PALM2AKAP2: variants seen among roughly 807,000 people sequenced by gnomAD.
PALM2AKAP2 encodes PALM2 and AKAP2 fusion.
A neutral mutation model predicts 71.5 loss-of-function variants in PALM2AKAP2; 37 were observed. That is an observed-to-expected ratio of 0.52 (90% CI 0.40 to 0.68). PALM2AKAP2 has a LOEUF of 0.68. PALM2AKAP2 is among the 30% of genes least tolerant of loss of function. PALM2AKAP2 has a pLI of 0.00. For synonymous variants in PALM2AKAP2, 468 were observed against 478.8 expected (o/e 0.98, Z 0.29); for missense variants, 1,224 against 1,191.8 (o/e 1.03, Z -0.40).
chr9:109,892,022 C>T (rs924312649), intron 3 of PALM2AKAP2, among the ~76,000 whole-genome samples: 1 of 152,186 alleles, frequency 6.6e-6, no homozygotes, highest in African/African-American at 2.4e-5. Flanking sequence ...CTTAAGATTA[C>T]ATCTCTCAGA....
At chr9:109,825,689 G>A (rs868261138) in intron 1 of PALM2AKAP2, among the ~76,000 whole-genome samples, 6 of 152,156 alleles carry the variant, frequency 3.9e-5, no homozygotes, top group Admixed American at 1.3e-4. Context: ...AGTTAGAATG[G>A]CAGTCATTAA....
intron 1 of PALM2AKAP2, among the ~76,000 whole-genome samples, chr9:109,823,811 G>A (rs1486822133): frequency 6.6e-6 from 1 of 152,198 alleles, no homozygotes; most frequent in East Asian, 1.9e-4. Flanking sequence ...ACATACAAAT[G>A]TGTATTTTTT....
chr9:110,040,850 A>G (rs1359499088), intron 7 of PALM2AKAP2, among the ~76,000 whole-genome samples: 1 of 152,208 alleles, frequency 6.6e-6, no homozygotes, highest in Non-Finnish European at 1.5e-5. Context: ...GTTTTCCAGC[A>G]TTCTATCTGT....
chr9:109,822,041 T>A (rs191614994), intron 1 of PALM2AKAP2, among the ~76,000 whole-genome samples: 20 of 152,348 alleles, frequency 1.3e-4, no homozygotes, highest in Admixed American at 1.2e-3. Context: ...AATACCAGAC[T>A]TATCATTGCA....
At chr9:109,713,906 T>C (rs1207323599) in intron 1 of PALM2AKAP2, among the ~76,000 whole-genome samples, 1 of 152,224 alleles carries the variant, frequency 6.6e-6, no homozygotes, top group Non-Finnish European at 1.5e-5. Flanking sequence ...AACTATAAGA[T>C]ATTAATATTA....
At chr9:109,747,594 A>G (rs1160352740) in intron 1 of PALM2AKAP2, among the ~76,000 whole-genome samples, 4 of 152,232 alleles carry the variant, frequency 2.6e-5, no homozygotes, top group Non-Finnish European at 4.4e-5. Flanking sequence ...ACTGATGCAT[A>G]TATGAGTTAG....
At chr9:109,782,744 T>G (rs200720194) in intron 1 of PALM2AKAP2, among the ~76,000 whole-genome samples, 19 of 144,306 alleles carry the variant, frequency 1.3e-4, no homozygotes, top group East Asian at 1.2e-3. Context: ...GTGTGTTTGT[T>G]TGTGTGTGTG....
At chr9:110,162,060 A>G (rs754008096) in intron 3 of PALM2AKAP2, 34 bp from the exon 10 acceptor site, 6 of 1,613,010 alleles carry the variant, frequency 3.7e-6, no homozygotes, top group African/African-American at 2.7e-5. Flanking sequence ...TGTCACTGCC[A>G]TGTACTAACC....
chr9:109,802,946 C>T (rs527520080), intron 1 of PALM2AKAP2, among the ~76,000 whole-genome samples: 11 of 146,528 alleles, frequency 7.5e-5, no homozygotes, highest in Admixed American at 5.4e-4. Context: ...GGTAGGAATC[C>T]GGGTCTTTTT....
intron 1 of PALM2AKAP2, among the ~76,000 whole-genome samples, chr9:109,799,465 A>T (rs1310515507): frequency 6.6e-6 from 1 of 152,110 alleles, no homozygotes; most frequent in Non-Finnish European, 1.5e-5. Context: ...GTGGCTTTCC[A>T]TTATTTCCAT....
chr9:110,011,014 A>AAAAAAAATATAT (rs35212981), intron 6 of PALM2AKAP2, among the ~76,000 whole-genome samples: 16 of 69,582 alleles, frequency 2.3e-4, no homozygotes, highest in African/African-American at 8.6e-4. Context: ...AAAAAAAAAA[A>AAAAAAAATATAT]ATATATATAT....
chr9:110,136,512 C>A, exon 2 of PALM2AKAP2: 4 of 1,613,912 alleles, frequency 2.5e-6, no homozygotes, highest in Non-Finnish European at 3.4e-6. Context: ...GGCCTAAGCC[C>A]CCCTGTCCAC....
chr9:110,115,360 A>G (rs2118967873), intron 1 of PALM2AKAP2, among the ~76,000 whole-genome samples: 1 of 152,242 alleles, frequency 6.6e-6, no homozygotes, highest in East Asian at 1.9e-4. Flanking sequence ...CCACAAGTGC[A>G]CCTCTGGTAC....
At chr9:109,957,402 T>C (rs1831767638) in intron 6 of PALM2AKAP2, among the ~76,000 whole-genome samples, 1 of 152,206 alleles carries the variant, frequency 6.6e-6, no homozygotes, top group Non-Finnish European at 1.5e-5. Flanking sequence ...GCAAGCTGAC[T>C]CCCGCACAGA....
intron 1 of PALM2AKAP2, among the ~76,000 whole-genome samples, chr9:109,826,252 T>C (rs1040675485): frequency 2.0e-5 from 3 of 152,036 alleles, no homozygotes; most frequent in Admixed American, 2.0e-4. Context: ...CATTAGGAGA[T>C]ATACCTAATG....
chr9:109,823,944 G>A (rs536756729), intron 1 of PALM2AKAP2, among the ~76,000 whole-genome samples: 56 of 151,982 alleles, frequency 3.7e-4, no homozygotes, highest in Non-Finnish European at 6.8e-4. Flanking sequence ...GCTGGGGTGC[G>A]GTGTTGTGAT....
chr9:109,757,775 C>A (rs1374947166), intron 1 of PALM2AKAP2, among the ~76,000 whole-genome samples: 1 of 151,950 alleles, frequency 6.6e-6, no homozygotes, highest in Non-Finnish European at 1.5e-5. Context: ...AATGTATAGG[C>A]TTGTCTATGG....
At chr9:109,811,544 C>T (rs1322292536) in intron 1 of PALM2AKAP2, among the ~76,000 whole-genome samples, 2 of 152,012 alleles carry the variant, frequency 1.3e-5, no homozygotes, top group African/African-American at 4.8e-5. Flanking sequence ...TAATAATTAT[C>T]TGCTGTGTTG....
chr9:109,868,932 A>G (rs1829531415), intron 2 of PALM2AKAP2, among the ~76,000 whole-genome samples: 3 of 152,174 alleles, frequency 2.0e-5, no homozygotes, highest in African/African-American at 7.2e-5. Flanking sequence ...AAAAACACCT[A>G]ATAGAACTGA....
Sources: allele counts gnomAD v4.1 joint callset (sites outside exome capture counted in the v4.1 genomes callset), GRCh38; gene constraint gnomAD v4.1.1; transcripts MANE v1.5; gene names NCBI Gene and HGNC (gene_info 2026-07-23, HGNC 2026-07-21).